GIGYF2: variants seen among roughly 807,000 people sequenced by gnomAD.
GIGYF2 encodes the protein GRB10-interacting GYF protein 2.
Under a neutral mutation model 208.1 loss-of-function variants are expected in GIGYF2, and 25 were observed. The ratio of observed to expected loss-of-function variants is 0.12; its 90% confidence interval spans 0.09 to 0.17. The LOEUF is 0.17. Ranked by LOEUF, GIGYF2 falls within the 10% of genes least tolerant of loss-of-function variation. GIGYF2 has a pLI of 1.00. For synonymous variants in GIGYF2, 534 were observed against 543.8 expected (o/e 0.98, Z 0.25); for missense variants, 1,302 against 1,579.4 (o/e 0.82, Z 2.98).
At chr2:232,778,555 TG>T (rs1315477171) in intron 8 of GIGYF2, among the ~76,000 whole-genome samples, 3 of 152,180 alleles carry the variant, frequency 2.0e-5, no homozygotes, top group African/African-American at 7.2e-5. Flanking sequence ...CCAGGTTAGC[TG>T]GTGTAGGGGA....
chr2:232,790,592 GT>G (rs1227304055), intron 9 of GIGYF2, 105 bp from the exon 10 acceptor site: 1 of 933,398 alleles, frequency 1.1e-6, no homozygotes, highest in East Asian at 2.4e-5. Flanking sequence ...GTCCATTTGA[GT>G]TTGCGGTCAC....
chr2:232,847,676 C>G (rs1702066673), intron 27 of GIGYF2, 105 bp downstream of exon 27: 6 of 1,446,186 alleles, frequency 4.1e-6, no homozygotes, highest in Non-Finnish European at 5.7e-6. Context: ...TTTTGTATAT[C>G]CAATAACCAT....
At chr2:232,772,262 A>C (rs1699297348) in intron 8 of GIGYF2, among the ~76,000 whole-genome samples, 2 of 152,038 alleles carry the variant, frequency 1.3e-5, no homozygotes. Context: ...TCACTTTGCA[A>C]CCATGTTCGT....
intron 2 of GIGYF2, among the ~76,000 whole-genome samples, chr2:232,707,711 C>T (rs1264529254): frequency 6.7e-6 from 1 of 148,770 alleles, no homozygotes; most frequent in East Asian, 2.0e-4. Context: ...CATCTTGGCT[C>T]ACTGCAACCT....
chr2:232,805,835 G>A (rs1700545427), intron 14 of GIGYF2, among the ~76,000 whole-genome samples: 1 of 152,150 alleles, frequency 6.6e-6, no homozygotes, highest in Admixed American at 6.5e-5. Flanking sequence ...TTCTGAAGTG[G>A]AAGTTCCAGG....
intron 8 of GIGYF2, 63 bp downstream of exon 8, chr2:232,761,499 C>T (rs1249341191): frequency 1.1e-6 from 1 of 929,406 alleles, no homozygotes. Flanking sequence ...TTACCTGCAC[C>T]TCTCCAGTAG....
At chr2:232,793,489 A>G (rs1336906841) in intron 12 of GIGYF2, among the ~76,000 whole-genome samples, 1 of 152,282 alleles carries the variant, frequency 6.6e-6, no homozygotes, top group African/African-American at 2.4e-5. Context: ...AGAGCCTGAG[A>G]GGATTATGGT....
At chr2:232,833,153 G>A (rs912807610) in intron 22 of GIGYF2, 60 bp downstream of exon 22, 1 of 1,071,490 alleles carries the variant, frequency 9.3e-7, no homozygotes, top group Non-Finnish European at 1.4e-6. Flanking sequence ...TTAGGTAGGT[G>A]CTGGCTGTAC....
chr2:232,791,902 C>G (rs1280128115), intron 12 of GIGYF2, among the ~76,000 whole-genome samples: 1 of 152,202 alleles, frequency 6.6e-6, no homozygotes, highest in African/African-American at 2.4e-5. Flanking sequence ...TAAAACATAT[C>G]TCTTTCAGTT....
chr2:232,785,403 T>C (rs1455878195), intron 8 of GIGYF2, among the ~76,000 whole-genome samples: 1 of 152,194 alleles, frequency 6.6e-6, no homozygotes, highest in Non-Finnish European at 1.5e-5. Context: ...TGGGGTTTGA[T>C]CCACTTCCAG....
chr2:232,736,933 A>G (rs1051307151), intron 3 of GIGYF2, among the ~76,000 whole-genome samples: 1 of 152,256 alleles, frequency 6.6e-6, no homozygotes, highest in African/African-American at 2.4e-5. Flanking sequence ...AGAGAAAAGA[A>G]AAACTGATGA....
At position 232,858,033 on chromosome 2, in the gene GIGYF2, A is replaced by G. The variant is rs1690638792; in HGVS notation, c.*1173A>G. 1 of 167,576 alleles carries G rather than the reference A, an allele frequency of 6.0e-6. No homozygotes were observed. The highest frequency in any genetic ancestry group is 1.3e-5 in the Non-Finnish European group (1 of 78,694). The allele number at this position is 167,576 out of a possible 1,614,324, so 10.4% of individuals were successfully genotyped here. On this transcript the variant is annotated 3_prime_UTR_variant, in exon 29 of 29. Transcript: ENST00000373563. Reference sequence around the variant, plus strand: ...GGGATGGGCGAAAATGGGAGCAGGAAGCCTGGCCTGGCTTCTGGTCATGGC... The same window carrying G: ...GGGATGGGCGAAAATGGGAGCAGGAGGCCTGGCCTGGCTTCTGGTCATGGC...
intron 8 of GIGYF2, among the ~76,000 whole-genome samples, chr2:232,778,207 A>C (rs1699593304): frequency 1.3e-5 from 2 of 152,144 alleles, no homozygotes; most frequent in African/African-American, 4.8e-5. Flanking sequence ...AATTCCTGGG[A>C]TTACAGGCAT....
Position 232,844,042 on chromosome 2 carries a change from A to G in GIGYF2, c.2890-4A>G. The G allele has an allele frequency of 1.2e-6, 2 of 1,612,892 alleles. No homozygotes were observed. The highest frequency in any genetic ancestry group is 2.2e-5 in the South Asian group (2 of 90,972). ...CTCAGCTAGCTTCTGTTTTTATGCA[A>G]CAGCAAAGGCGCCAGCAGAGGGAGT... On this transcript the variant is annotated splice_region_variant and splice_polypyrimidine_tract_variant and intron_variant, in intron 23 of 28. Coordinates refer to ENST00000373563, the MANE Select transcript of GIGYF2 (RefSeq NM_001103146.3).
At chr2:232,784,386 C>CTTTT (rs10645449) in intron 8 of GIGYF2, among the ~76,000 whole-genome samples, 6,066 of 91,890 alleles carry the variant, frequency 0.066, 847 homozygotes, top group East Asian at 0.24. Flanking sequence ...GAAATAATTT[C>CTTTT]TTTTTTTTTT....
chr2:232,760,331 T>G (rs373303510), intron 6 of GIGYF2, 149 bp from the exon 7 acceptor site: 22 of 656,990 alleles, frequency 3.3e-5, no homozygotes, highest in Middle Eastern at 3.9e-4. Flanking sequence ...GTTGGTCTCA[T>G]AAGTCAAGAT....
intron 1 of GIGYF2, among the ~76,000 whole-genome samples, chr2:232,699,143 T>C (rs914951091): frequency 6.6e-5 from 10 of 152,178 alleles, no homozygotes; most frequent in Non-Finnish European, 1.5e-5. Context: ...TGAGAAGGCC[T>C]CATGGAGAAG....
chr2:232,833,181 T>C, intron 22 of GIGYF2, 88 bp downstream of exon 22: 1 of 660,288 alleles, frequency 1.5e-6, no homozygotes, highest in South Asian at 2.4e-5. Context: ...AGTAAAACTG[T>C]TCTTTCTTTC....
intron 1 of GIGYF2, chr2:232,700,542 G>T (rs2052644093): frequency 6.6e-6 from 1 of 152,172 alleles, no homozygotes; most frequent in African/African-American, 2.4e-5. Context: ...AGCTCCTGCT[G>T]ATTAAATTTC....
Sources: gnomAD v4.1 joint callset for allele counts (sites outside exome capture counted in the v4.1 genomes callset) on GRCh38, gnomAD v4.1.1 for gene constraint, MANE v1.5 for transcripts, NCBI Gene and HGNC (gene_info 2026-07-23, HGNC 2026-07-21) for gene names.